The following CHCHD3 variants were observed in gnomAD, a reference collection of about 807,000 sequenced individuals.
CHCHD3 encodes coiled-coil-helix-coiled-coil-helix domain containing 3.
A neutral mutation model predicts 38.2 loss-of-function variants in CHCHD3; 20 were observed. The ratio of observed to expected loss-of-function variants is 0.52; its 90% CI spans 0.37 to 0.76. The LOEUF is 0.76. Among genes scored for constraint, CHCHD3 ranks in the 30% least tolerant of loss-of-function variants. The pLI is 0.00. For synonymous variants in CHCHD3, 82 were observed against 100.0 expected (o/e 0.82, Z 1.07); for missense variants, 245 against 279.2 (o/e 0.88, Z 0.87).
chr7:132,954,374 A>AG (rs1404884579), intron 4 of CHCHD3, among the ~76,000 whole-genome samples: 12 of 152,178 alleles, frequency 7.9e-5, no homozygotes, highest in African/African-American at 2.9e-4. Flanking sequence ...CTGTTACAAG[A>AG]GGAAGCTCAT....
chr7:132,898,683 C>T (rs1463299473), intron 4 of CHCHD3, among the ~76,000 whole-genome samples: 4 of 152,244 alleles, frequency 2.6e-5, no homozygotes, highest in South Asian at 2.1e-4. Context: ...AGGCTCGGGC[C>T]GCACAGGAGC....
chr7:132,952,030 C>T (rs1372585216), intron 4 of CHCHD3, among the ~76,000 whole-genome samples: 3 of 152,192 alleles, frequency 2.0e-5, no homozygotes, highest in Non-Finnish European at 1.5e-5. Context: ...ATGACTGCTA[C>T]ATACATGCTT....
chr7:132,913,553 C>T (rs1213555977), intron 4 of CHCHD3, among the ~76,000 whole-genome samples: 1 of 152,194 alleles, frequency 6.6e-6, no homozygotes, highest in Admixed American at 6.5e-5. Flanking sequence ...CACAAGAGTA[C>T]CTGAACAGTC....
intron 3 of CHCHD3, among the ~76,000 whole-genome samples, chr7:133,006,563 A>G (rs1338921724): frequency 6.6e-6 from 1 of 152,182 alleles, no homozygotes; most frequent in Admixed American, 6.5e-5. Context: ...TCATATGGGC[A>G]TAACACAACA....
intron 1 of CHCHD3, among the ~76,000 whole-genome samples, chr7:133,072,804 C>A (rs1259253395): frequency 1.5e-5 from 2 of 135,716 alleles, no homozygotes; most frequent in Non-Finnish European, 3.1e-5. Context: ...ACAGCCTGGG[C>A]AACAGAGTGA....
rs547090770 is a variant in CHCHD3 at position 132,991,886 on chromosome 7, A to T, written c.252-16600T>A. The stretch of plus-strand genomic sequence containing the variant: ...CTTCCCCTCCTCTCCATCTTCCCCT[A>T]CATGGAAGTCTCTGTTGTAATTAAT... On this transcript the variant is annotated intron_variant, in intron 3 of 7. Transcript: ENST00000262570. Among the ~76,000 whole-genome samples, 11 of 152,278 alleles carry T rather than the reference A, an allele frequency of 7.2e-5. No homozygotes were observed. In the South Asian group the frequency reaches 2.3e-3, roughly 32 times the overall value.
At position 132,975,263 on chromosome 7, in the gene CHCHD3, T is replaced by C; in HGVS notation, c.275A>G (p.Asp92Gly). The C allele has an allele frequency of 6.2e-7, 1 of 1,613,092 alleles. No homozygotes were observed. Among genetic ancestry groups the C allele is most frequent in the South Asian group, 1.1e-5 (1 of 91,006 alleles). ...CTCATTGGCAGCAGCCCTCTCTCGGTCCAGCTCTTTGGCTTGCTTTAGTCT... is the reference window on the plus strand; with the variant it reads ...CTCATTGGCAGCAGCCCTCTCTCGGCCCAGCTCTTTGGCTTGCTTTAGTCT... ...QKRLKQAKEL[D>G]RERAAANEQL... The change falls in exon 4 of 8, where the codon GAC (aspartate) becomes GGC (glycine). Residue 92 changes from aspartate (D) to glycine (G), a missense_variant. By Grantham distance (94) the Asp-to-Gly change is moderately conservative. Coordinates refer to ENST00000262570, the MANE Select transcript of CHCHD3 (RefSeq NM_017812.4).
intron 4 of CHCHD3, among the ~76,000 whole-genome samples, chr7:132,899,745 A>G (rs1199012095): frequency 6.6e-6 from 1 of 152,202 alleles, no homozygotes; most frequent in Non-Finnish European, 1.5e-5. Flanking sequence ...CAGCTAACTC[A>G]TGGTCTATAG....
rs564964908 is a variant in CHCHD3 at position 133,046,631 on chromosome 7, G to A, written c.170-22004C>T. ...GGCTGGAGTGCAGTGGCGCGATCTC[G>A]GCTCACTGCAAGCTCCAGCCTCCCA... On this transcript the variant is annotated intron_variant, in intron 2 of 7. Transcript: ENST00000262570. Among the ~76,000 whole-genome samples, 945 of 152,072 alleles carry A rather than the reference G, an allele frequency of 6.2e-3. 3 individuals are homozygous for A. The highest frequency in any genetic ancestry group is 0.011 in the Non-Finnish European group (724 of 67,986).
At position 132,788,051 on chromosome 7, in the gene CHCHD3, G is replaced by A. The variant is rs1806369759; in HGVS notation, c.661-2391C>T. 6.6e-6 allele frequency among the ~76,000 whole-genome samples: 1 copy of A among 152,252 alleles called. No individual in the cohort carries two copies. Among genetic ancestry groups the A allele is most frequent in the South Asian group, 2.1e-4 (1 of 4,818 alleles). ...ACCCACCATGTAAGAGACACCACCT[G>A]GCAGTGTCACAGCGTCACAGCATCT... On this transcript the variant is annotated intron_variant, in intron 7 of 7. Coordinates refer to ENST00000262570, the MANE Select transcript of CHCHD3 (RefSeq NM_017812.4). This position sits in a 1 kb window ranked among gnomAD's most constrained non-coding sequence, Gnocchi z 4.0.
intron 4 of CHCHD3, among the ~76,000 whole-genome samples, chr7:132,918,236 G>T (rs1367848714): frequency 6.6e-6 from 1 of 152,158 alleles, no homozygotes; most frequent in African/African-American, 2.4e-5. Context: ...ATTAGGGAGA[G>T]AAGGAAACTG....
intron 3 of CHCHD3, among the ~76,000 whole-genome samples, chr7:133,012,580 A>G (rs1455311296): frequency 6.6e-6 from 1 of 152,008 alleles, no homozygotes; most frequent in Non-Finnish European, 1.5e-5. Flanking sequence ...CCTGGGCAAC[A>G]AGGTGAATCC....
At chr7:132,826,217 C>A (rs960780914) in intron 6 of CHCHD3, among the ~76,000 whole-genome samples, 1 of 152,150 alleles carries the variant, frequency 6.6e-6, no homozygotes, top group African/African-American at 2.4e-5. Flanking sequence ...AATGGCAGTG[C>A]ATAAAAAATT....
Position 133,035,906 on chromosome 7 carries a change from G to A in CHCHD3, c.170-11279C>T. Reference sequence around the variant, plus strand: ...TCCAGTTTTCAGGATACGTGTACAGGGTCCCAGCCGCCATGGTGATTCCGC... The same window carrying A: ...TCCAGTTTTCAGGATACGTGTACAGAGTCCCAGCCGCCATGGTGATTCCGC... On this transcript the variant is annotated intron_variant, in intron 2 of 7. Transcript: ENST00000262570. The surrounding 1 kb of genome is among the most constrained non-coding windows in gnomAD (Gnocchi z 4.7). 1 of 1,603,398 alleles carries A rather than the reference G, an allele frequency of 6.2e-7. No homozygotes were observed. Among genetic ancestry groups the A allele is most frequent in the Non-Finnish European group, 8.5e-7 (1 of 1,171,860 alleles).
chr7:132,860,373 C>A (rs1808459915), intron 5 of CHCHD3, among the ~76,000 whole-genome samples: 1 of 151,766 alleles, frequency 6.6e-6, no homozygotes, highest in Non-Finnish European at 1.5e-5. Flanking sequence ...TTTCAATGAA[C>A]AAACTTATTC....
intron 4 of CHCHD3, among the ~76,000 whole-genome samples, chr7:132,899,456 C>T (rs898866014): frequency 6.6e-6 from 1 of 152,186 alleles, no homozygotes. Flanking sequence ...CTAAAGGGCA[C>T]GCTCCTATGG....
chr7:132,838,662 T>C (rs1807857912), intron 5 of CHCHD3, among the ~76,000 whole-genome samples, 193 bp from the exon 6 acceptor site: 1 of 152,258 alleles, frequency 6.6e-6, no homozygotes, highest in Admixed American at 6.5e-5. Context: ...GAGTTGTTGG[T>C]ATGCGGATTA....
At chr7:133,012,100 C>A (rs1812892952) in intron 3 of CHCHD3, among the ~76,000 whole-genome samples, 2 of 152,162 alleles carry the variant, frequency 1.3e-5, no homozygotes, top group African/African-American at 2.4e-5. Context: ...TCCACATTTT[C>A]AGTAGTTTGA....
At chr7:133,036,895 A>T (rs1331610273) in intron 2 of CHCHD3, among the ~76,000 whole-genome samples, 1 of 152,200 alleles carries the variant, frequency 6.6e-6, no homozygotes, top group African/African-American at 2.4e-5. Context: ...CAGAATGTCA[A>T]CATGCTAGGA....
Sources: gnomAD v4.1 joint callset for allele counts (sites outside exome capture counted in the v4.1 genomes callset) on GRCh38, gnomAD v4.1.1 for gene constraint, Gnocchi (gnomAD v3.1) non-coding constraint, MANE v1.5 for transcripts, NCBI Gene and HGNC (gene_info 2026-07-23, HGNC 2026-07-21) for gene names.